ADGRL3: variants seen among roughly 807,000 people sequenced by gnomAD.
ADGRL3 encodes calcium-independent alpha-latrotoxin receptor 3.
ADGRL3 carries 62 observed loss-of-function variants against 153.5 expected under a neutral mutation model. The observed-to-expected ratio is 0.40, with a 90% CI of 0.33 to 0.50. The LOEUF is 0.50. Among genes scored for constraint, ADGRL3 ranks in the 20% least tolerant of loss-of-function variants. The pLI is 0.47. For synonymous variants in ADGRL3, 710 were observed against 672.5 expected, an observed-to-expected ratio of 1.06 and a Z score of -0.86; for missense variants, 1,641 against 1,859.4, an observed-to-expected ratio of 0.88 and a Z score of 2.16.
At chr4:61,874,712 A>T (rs2098463673) in intron 9 of ADGRL3, among the ~76,000 whole-genome samples, 2 of 150,288 alleles carry the variant, frequency 1.3e-5, no homozygotes. Context: ...AGAAGGGGAG[A>T]CCACAGAACC....
chr4:61,659,999 G>T (rs1347919101), intron 5 of ADGRL3, among the ~76,000 whole-genome samples: 1 of 151,974 alleles, frequency 6.6e-6, no homozygotes, highest in Non-Finnish European at 1.5e-5. Context: ...GATATTGGGG[G>T]GACAGAGGAG....
chr4:62,007,427 T>TAC (rs1358714107), intron 21 of ADGRL3, among the ~76,000 whole-genome samples: 3 of 119,274 alleles, frequency 2.5e-5, no homozygotes, highest in Admixed American at 8.1e-5. Context: ...TATATACACA[T>TAC]ATATATATAT....
intron 9 of ADGRL3, among the ~76,000 whole-genome samples, chr4:61,872,439 T>C (rs2098451237): frequency 6.7e-6 from 1 of 149,712 alleles, no homozygotes; most frequent in Admixed American, 6.7e-5. Context: ...TAAGAAGTGG[T>C]CTCTGAAATT....
At chr4:61,332,138 C>A (rs188429524) in intron 1 of ADGRL3, among the ~76,000 whole-genome samples, 86 of 152,176 alleles carry the variant, frequency 5.7e-4, no homozygotes, top group Non-Finnish European at 1.0e-3. Context: ...AAGAGAGAAC[C>A]TTTGGAAATT....
rs573445648 is a variant in ADGRL3 at position 61,278,733 on chromosome 4, T to C, written c.-240+76968T>C. Reference sequence around the variant, plus strand: ...GTTGGCCAGGCTGTTCTCGAACTCCTGATATCAAGTGATCCACCTGCCTTG... The same window carrying C: ...GTTGGCCAGGCTGTTCTCGAACTCCCGATATCAAGTGATCCACCTGCCTTG... On this transcript the variant is annotated intron_variant, in intron 1 of 26. Transcript: ENST00000683033. 1.9e-3 allele frequency among the ~76,000 whole-genome samples: 283 copies of C among 152,234 alleles called. 2 individuals carry two copies. Among genetic ancestry groups the C allele is most frequent in the African/African-American group, 6.5e-3 (272 of 41,554 alleles).
intron 1 of ADGRL3, among the ~76,000 whole-genome samples, chr4:61,231,785 T>A (rs1227832463): frequency 6.6e-6 from 1 of 152,082 alleles, no homozygotes; most frequent in Non-Finnish European, 1.5e-5. Flanking sequence ...TCCCGGCACG[T>A]GGTAAGTACT....
At chr4:61,858,707 G>A (rs1313321907) in intron 9 of ADGRL3, among the ~76,000 whole-genome samples, 1 of 152,140 alleles carries the variant, frequency 6.6e-6, no homozygotes, top group Non-Finnish European at 1.5e-5. Flanking sequence ...TCTTTTGTTT[G>A]TTTGTTTGTT....
At chr4:61,789,066 C>G (rs1450575589) in intron 8 of ADGRL3, among the ~76,000 whole-genome samples, 1 of 151,932 alleles carries the variant, frequency 6.6e-6, no homozygotes, top group African/African-American at 2.4e-5. Flanking sequence ...ATTAGAAATT[C>G]ATGCATTATG....
intron 6 of ADGRL3, chr4:61,677,534 TGAA>T (rs1269814429): frequency 6.4e-6 from 1 of 156,440 alleles, no homozygotes; most frequent in East Asian, 1.9e-4. Context: ...TCAGGAATAA[TGAA>T]GAATCAAAAA....
chr4:61,786,967 A>G (rs993030161), intron 8 of ADGRL3, among the ~76,000 whole-genome samples: 8 of 152,212 alleles, frequency 5.3e-5, no homozygotes, highest in African/African-American at 1.9e-4. Flanking sequence ...CACTGCTAAT[A>G]CTGTGATGCT....
chr4:61,346,118 T>C lies in ADGRL3; in HGVS notation c.-239-37006T>C, dbSNP rs149093570. Among the ~76,000 whole-genome samples the C allele has an allele frequency of 1.4e-3, 216 of 152,212 alleles. 3 individuals are homozygous for C. Among genetic ancestry groups the C allele is most frequent in the African/African-American group, 5.1e-3 (211 of 41,536 alleles). ...TTCAAAAGTATAGATCCTCTGTCAGTGACTAGGCATACTGGTATGCACCTA... is the reference window on the plus strand; with the variant it reads ...TTCAAAAGTATAGATCCTCTGTCAGCGACTAGGCATACTGGTATGCACCTA... On this transcript the variant is annotated intron_variant, in intron 1 of 26. Transcript: ENST00000683033.
intron 8 of ADGRL3, among the ~76,000 whole-genome samples, chr4:61,757,055 C>T (rs1025061006): frequency 6.6e-6 from 1 of 152,294 alleles, no homozygotes; most frequent in East Asian, 1.9e-4. Context: ...CGTCGATGTT[C>T]ATCAGAGATA....
intron 3 of ADGRL3, among the ~76,000 whole-genome samples, chr4:61,507,142 T>C (rs906624696): frequency 2.0e-5 from 3 of 152,144 alleles, no homozygotes; most frequent in Admixed American, 1.3e-4. Flanking sequence ...TTCTTTTTTT[T>C]CTCCTTTTGA....
intron 2 of ADGRL3, among the ~76,000 whole-genome samples, chr4:61,479,561 A>C (rs2098109781): frequency 6.6e-6 from 1 of 152,124 alleles, no homozygotes; most frequent in African/African-American, 2.4e-5. Flanking sequence ...TAGAATAAAA[A>C]CTATAGGAAA....
rs541480499 is a variant in ADGRL3, at chr4:61,921,394, A to T, written c.2112+8637A>T. Among the ~76,000 whole-genome samples the T allele has an allele frequency of 2.0e-5, 3 of 152,170 alleles. No individual in the cohort carries two copies. The East Asian group carries it at 5.8e-4, about 30-fold the overall frequency. ...TCATTTCTCTCCACAGACTTTCAGC[A>T]GTCCTTTTCCAAAGCGTGATCACTG... On this transcript the variant is annotated intron_variant, in intron 13 of 26. Transcript: ENST00000683033.
At position 61,965,089 on chromosome 4, in the gene ADGRL3, C is replaced by G. The variant is rs745607736; in HGVS notation, c.2806-14474C>G. Among the ~76,000 whole-genome samples the G allele has an allele frequency of 1.9e-4, 29 of 152,020 alleles. 1 individual carries two copies. The highest frequency in any genetic ancestry group is 1.4e-3 in the Admixed American group (22 of 15,262). ...GATCATGGTTCACCATAGCCTTGAC[C>G]CAGGCTTGGGTGACCCTCCCTCTTC... On this transcript the variant is annotated intron_variant, in intron 17 of 26. Coordinates refer to ENST00000683033, the MANE Select transcript of ADGRL3 (RefSeq NM_001387552.1).
At chr4:61,508,710 A>G (rs1308245944) in intron 3 of ADGRL3, among the ~76,000 whole-genome samples, 1 of 152,126 alleles carries the variant, frequency 6.6e-6, no homozygotes, top group African/African-American at 2.4e-5. Context: ...CCCAATAGGT[A>G]GTTTTCCGAC....
chr4:61,604,568 CCTTT>C (rs1255027257), intron 5 of ADGRL3, among the ~76,000 whole-genome samples: 1 of 152,026 alleles, frequency 6.6e-6, no homozygotes, highest in Non-Finnish European at 1.5e-5. Flanking sequence ...CCTTTCTTCC[CCTTT>C]CTTTAGTTCA....
At chr4:61,838,704 C>T (rs1287278602) in intron 9 of ADGRL3, among the ~76,000 whole-genome samples, 1 of 152,094 alleles carries the variant, frequency 6.6e-6, no homozygotes, top group Non-Finnish European at 1.5e-5. Flanking sequence ...ATCATAATTT[C>T]TCCGGTTGAA....
Sources: allele counts gnomAD v4.1 joint callset (sites outside exome capture counted in the v4.1 genomes callset), GRCh38; gene constraint gnomAD v4.1.1; transcripts MANE v1.5; gene names NCBI Gene and HGNC (gene_info 2026-07-23, HGNC 2026-07-21).